CMPK1: variants seen among roughly 807,000 people sequenced by gnomAD.
The protein encoded by CMPK1 is UMP-CMP kinase.
CMPK1 carries 10 observed loss-of-function variants against 25.7 expected under a neutral mutation model. The ratio of observed to expected loss-of-function variants is 0.39; its 90% CI spans 0.24 to 0.66. The LOEUF is 0.66. Ranked by LOEUF, CMPK1 falls within the 30% of genes least tolerant of loss-of-function variation. CMPK1 has a pLI of 0.48. For missense variants in CMPK1, 199 were observed against 280.5 expected (o/e 0.71, Z 2.08); for synonymous variants, 106 against 101.5 (o/e 1.04, Z -0.27).
intron 1 of CMPK1, among the ~76,000 whole-genome samples, chr1:47,342,198 C>G (rs1325252091): frequency 6.6e-6 from 1 of 152,122 alleles, no homozygotes; most frequent in Non-Finnish European, 1.5e-5. Context: ...TCTCTTGCCT[C>G]AGCCTCCCGA....
chr1:47,369,908 TC>T (rs1185081024), intron 2 of CMPK1, among the ~76,000 whole-genome samples: 1 of 78,378 alleles, frequency 1.3e-5, no homozygotes, highest in Non-Finnish European at 2.8e-5. Context: ...TCTTTCTCTC[TC>T]TTTTTTTTTT....
intron 2 of CMPK1, 49 bp from the exon 3 acceptor site, chr1:47,372,906 T>C: frequency 6.6e-7 from 1 of 1,512,964 alleles, no homozygotes; most frequent in Non-Finnish European, 8.9e-7. Flanking sequence ...GCTTGAGAAA[T>C]TTCATTTTGT....
At chr1:47,335,506 G>A (rs1325955113) in intron 1 of CMPK1, among the ~76,000 whole-genome samples, 1 of 151,708 alleles carries the variant, frequency 6.6e-6, no homozygotes, top group Non-Finnish European at 1.5e-5. Flanking sequence ...GCGTGGTGGC[G>A]GGCGCCTGTA....
intron 1 of CMPK1, among the ~76,000 whole-genome samples, chr1:47,353,245 A>G (rs12749507): frequency 0.27 from 40,690 of 152,076 alleles, 5,709 homozygotes; most frequent in Non-Finnish European, 0.31. Flanking sequence ...TCATTGAAAT[A>G]TGTTTCCTTT....
intron 5 of CMPK1, 55 bp downstream of exon 5, chr1:47,375,348 T>C: frequency 8.1e-7 from 1 of 1,231,880 alleles, no homozygotes; most frequent in Non-Finnish European, 1.2e-6. Context: ...ATGTGATTAT[T>C]TGTTTTGGGG....
At chr1:47,347,064 T>A (rs1253105391) in intron 1 of CMPK1, among the ~76,000 whole-genome samples, 1 of 152,166 alleles carries the variant, frequency 6.6e-6, no homozygotes, top group African/African-American at 2.4e-5. Flanking sequence ...ATTATAGGCA[T>A]GAGCCATTGT....
chr1:47,346,822 C>T (rs901561942), intron 1 of CMPK1, among the ~76,000 whole-genome samples: 1 of 150,262 alleles, frequency 6.7e-6, no homozygotes, highest in African/African-American at 2.5e-5. Flanking sequence ...GCCTTCCTCT[C>T]CCCCTCCCCA....
intron 1 of CMPK1, among the ~76,000 whole-genome samples, chr1:47,365,025 T>G (rs1646629633): frequency 6.6e-6 from 1 of 152,190 alleles, no homozygotes; most frequent in Non-Finnish European, 1.5e-5. Flanking sequence ...CTTCCCAAAG[T>G]GCTAGAATTA....
chr1:47,340,243 A>C (rs1482700026), intron 1 of CMPK1, among the ~76,000 whole-genome samples: 1 of 151,438 alleles, frequency 6.6e-6, no homozygotes, highest in African/African-American at 2.4e-5. Context: ...GCATGCCACC[A>C]TGCCCAGCTA....
chr1:47,337,434 G>A (rs1646407132), intron 1 of CMPK1, among the ~76,000 whole-genome samples: 1 of 152,054 alleles, frequency 6.6e-6, no homozygotes, highest in South Asian at 2.1e-4. Context: ...GTTCTGTAAT[G>A]TATTATATTA....
At chr1:47,352,061 C>T (rs1159244461) in intron 1 of CMPK1, among the ~76,000 whole-genome samples, 1 of 152,136 alleles carries the variant, frequency 6.6e-6, no homozygotes, top group East Asian at 1.9e-4. Flanking sequence ...TGCTTGAACC[C>T]AGGAGGCGGA....
chr1:47,352,026 A>G (rs1033465625), intron 1 of CMPK1, among the ~76,000 whole-genome samples: 3 of 152,170 alleles, frequency 2.0e-5, no homozygotes, highest in Admixed American at 6.6e-5. Flanking sequence ...AATCCCAGCT[A>G]CTAGGGAGGC....
chr1:47,369,375 T>A (rs1646661019), intron 2 of CMPK1, among the ~76,000 whole-genome samples: 1 of 152,150 alleles, frequency 6.6e-6, no homozygotes, highest in Non-Finnish European at 1.5e-5. Context: ...AACTTTGCTT[T>A]CACCTGGGAA....
chr1:47,337,849 G>A (rs1336175487), intron 1 of CMPK1, among the ~76,000 whole-genome samples: 1 of 152,072 alleles, frequency 6.6e-6, no homozygotes, highest in Non-Finnish European at 1.5e-5. Context: ...CTGACCTCGT[G>A]ATCCACCCAC....
chr1:47,359,001 A>T (rs1324162569), intron 1 of CMPK1: 43 of 933,238 alleles, frequency 4.6e-5, no homozygotes, highest in Non-Finnish European at 5.5e-5. Context: ...TCTCATTTTA[A>T]TGTTATTTAC....
chr1:47,360,510 A>G (rs1328767157), intron 1 of CMPK1, among the ~76,000 whole-genome samples: 4 of 152,084 alleles, frequency 2.6e-5, no homozygotes, highest in East Asian at 1.9e-4. Flanking sequence ...TATTTATTCT[A>G]TTTTCTTGCC....
intron 1 of CMPK1, among the ~76,000 whole-genome samples, chr1:47,354,455 G>T (rs1646544573): frequency 6.6e-6 from 1 of 152,170 alleles, no homozygotes; most frequent in Non-Finnish European, 1.5e-5. Flanking sequence ...AGTAAAAAAT[G>T]AAAGTTCTCT....
chr1:47,354,582 T>G (rs1286902341), intron 1 of CMPK1, among the ~76,000 whole-genome samples: 1 of 151,724 alleles, frequency 6.6e-6, no homozygotes, highest in African/African-American at 2.4e-5. Context: ...ACATAGTGCT[T>G]ATTGTTTTGT....
chr1:47,365,065 C>G (rs1646629915), intron 1 of CMPK1, among the ~76,000 whole-genome samples: 2 of 152,148 alleles, frequency 1.3e-5, no homozygotes, highest in Non-Finnish European at 2.9e-5. Flanking sequence ...CTGGCCGTAC[C>G]CAATAGTTTT....
Sources: allele counts gnomAD v4.1 joint callset (sites outside exome capture counted in the v4.1 genomes callset), GRCh38; gene constraint gnomAD v4.1.1; transcripts MANE v1.5; gene names NCBI Gene and HGNC (gene_info 2026-07-23, HGNC 2026-07-21).